CLDN14: variants seen among roughly 807,000 people sequenced by gnomAD.
CLDN14 encodes claudin-14.
Under a neutral mutation model 2.1 loss-of-function variants are expected in CLDN14, and 2 were observed. The ratio of observed to expected loss-of-function variants is 0.96; its 90% CI spans 0.39 to 3.01. CLDN14 has a LOEUF of 3.01. CLDN14 is among the 30% of genes most tolerant of loss of function. CLDN14 has a pLI of 0.09. For synonymous variants in CLDN14, 136 were observed against 154.4 expected (o/e 0.88, Z 0.88); for missense variants, 298 against 328.0 (o/e 0.91, Z 0.71).
intron 1 of CLDN14, among the ~76,000 whole-genome samples, chr21:36,517,276 C>A (rs138933101): frequency 1.3e-5 from 2 of 152,252 alleles, no homozygotes; most frequent in Non-Finnish European, 2.9e-5. Context: ...TGTGTACTCT[C>A]TCTAGCTGTT....
In CLDN14 at chr21:36,468,766, TC is replaced by T. The variant is rs200418281; in HGVS notation, c.-81-6991del. On this transcript the variant is annotated intron_variant, in intron 1 of 1. Coordinates refer to ENST00000399135, the MANE Select transcript of CLDN14 (RefSeq NM_001146079.2). ...TTTTCTTTTTCTTTCTTTCTTTCTT[TC>T]TTTTTTTTTTGAGACAGAATCTCGC... Among the ~76,000 whole-genome samples, 603 of 142,880 alleles carry T rather than the reference TC, an allele frequency of 4.2e-3. 5 individuals are homozygous for T. The highest frequency in any genetic ancestry group is 0.013 in the African/African-American group (515 of 39,674). 93.7% of individuals were successfully genotyped at this position (142,880 alleles called of 152,430 possible).
intron 1 of CLDN14, among the ~76,000 whole-genome samples, chr21:36,520,709 G>A (rs2087263166): frequency 6.6e-6 from 1 of 152,094 alleles, no homozygotes; most frequent in Non-Finnish European, 1.5e-5. Flanking sequence ...CACACACAAG[G>A]GAGTTATGAC....
intron 1 of CLDN14, among the ~76,000 whole-genome samples, chr21:36,520,581 G>C (rs1207702584): frequency 1.3e-5 from 2 of 152,196 alleles, no homozygotes; most frequent in African/African-American, 2.4e-5. Flanking sequence ...ATGATTGTGA[G>C]GCCTCCCAGC....
At position 36,555,239 on chromosome 21, in the gene CLDN14, C is replaced by T. The variant is rs541935053; in HGVS notation, c.-220+21172G>A. Among the ~76,000 whole-genome samples the T allele has an allele frequency of 1.0e-3, 154 of 152,232 alleles. 1 individual carries two copies. Among genetic ancestry groups the T allele is most frequent in the African/African-American group, 3.4e-3 (140 of 41,528 alleles). ...GGAGTGCATGAGGAGGGGTTTCAAG[C>T]GAATTGCCAAGATATAGCAGGCTAA... On this transcript the variant is annotated intron_variant, in intron 1 of 2. Coordinates refer to the CLDN14 transcript ENST00000342108.
At chr21:36,493,102 G>A (rs966850604) in intron 2 of CLDN14, among the ~76,000 whole-genome samples, 2 of 152,214 alleles carry the variant, frequency 1.3e-5, no homozygotes, top group African/African-American at 2.4e-5. Context: ...TTGAGCACGT[G>A]TTTTGTTTAC....
At chr21:36,527,566 C>T (rs1323379703) in intron 1 of CLDN14, among the ~76,000 whole-genome samples, 1 of 152,170 alleles carries the variant, frequency 6.6e-6, no homozygotes, top group Non-Finnish European at 1.5e-5. Context: ...TCCCATTTCC[C>T]GTCGATTACT....
At chr21:36,546,660 T>A (rs558674542) in intron 1 of CLDN14, among the ~76,000 whole-genome samples, 3 of 152,230 alleles carry the variant, frequency 2.0e-5, no homozygotes, top group African/African-American at 4.8e-5. Flanking sequence ...TTACAAAAAA[T>A]TTCAAACATA....
chr21:36,471,454 G>A (rs977709906), intron 1 of CLDN14, among the ~76,000 whole-genome samples: 3 of 152,158 alleles, frequency 2.0e-5, no homozygotes, highest in Admixed American at 1.3e-4. Flanking sequence ...AGTTTGGGGG[G>A]GCTCATGTCT....
chr21:36,570,962 C>T (rs995662719), intron 1 of CLDN14, among the ~76,000 whole-genome samples: 1 of 152,194 alleles, frequency 6.6e-6, no homozygotes, highest in Non-Finnish European at 1.5e-5. Flanking sequence ...CTGCCTCAGC[C>T]TCCTGAGTAG....
chr21:36,507,850 C>T (rs557544852), intron 2 of CLDN14, among the ~76,000 whole-genome samples: 50 of 152,296 alleles, frequency 3.3e-4, no homozygotes, highest in African/African-American at 1.2e-3. Context: ...TTAACATTTA[C>T]AAACGGGACA....
In CLDN14 at chr21:36,544,808, G is replaced by A. The variant is rs1310174025; in HGVS notation, c.-220+31603C>T. On this transcript the variant is annotated intron_variant, in intron 1 of 2. Coordinates refer to the CLDN14 transcript ENST00000342108. This position sits in a 1 kb window ranked among gnomAD's most constrained non-coding sequence, Gnocchi z 4.1. ...AGGACATCCGCGAAGTAAGACATGT[G>A]CACAGAGCAACCATGTGAAAACAAT... Among the ~76,000 whole-genome samples the A allele has an allele frequency of 6.6e-6, 1 of 152,202 alleles. No individual in the cohort carries two copies. Among genetic ancestry groups the A allele is most frequent in the East Asian group, 1.9e-4 (1 of 5,196 alleles).
intron 1 of CLDN14, among the ~76,000 whole-genome samples, chr21:36,534,217 T>C (rs1404767052): frequency 6.6e-6 from 1 of 152,150 alleles, no homozygotes; most frequent in Non-Finnish European, 1.5e-5. Context: ...TTCTCCTGCC[T>C]CAGCCTCCCG....
chr21:36,519,650 C>T (rs1001040745), intron 1 of CLDN14, among the ~76,000 whole-genome samples: 3 of 152,152 alleles, frequency 2.0e-5, no homozygotes, highest in Non-Finnish European at 1.5e-5. Flanking sequence ...GTGGAGGTTG[C>T]AGTGAGCTGA....
intron 1 of CLDN14, among the ~76,000 whole-genome samples, chr21:36,573,855 T>C (rs1221364635): frequency 6.6e-6 from 1 of 152,114 alleles, no homozygotes; most frequent in Non-Finnish European, 1.5e-5. Context: ...ATAAATCTAA[T>C]AAAATATGTA....
chr21:36,545,856 A>G (rs955684868), intron 1 of CLDN14, among the ~76,000 whole-genome samples: 4 of 152,152 alleles, frequency 2.6e-5, no homozygotes, highest in Non-Finnish European at 4.4e-5. Context: ...CTCCTGGAGC[A>G]TCCCCAGGAG....
chr21:36,501,159 G>A (rs1360636156), intron 2 of CLDN14, among the ~76,000 whole-genome samples: 1 of 152,086 alleles, frequency 6.6e-6, no homozygotes, highest in African/African-American at 2.4e-5. Flanking sequence ...AGAAAAGGAT[G>A]ATGGCTTATC....
At chr21:36,555,094 G>C (rs1182913167) in intron 1 of CLDN14, among the ~76,000 whole-genome samples, 18 of 152,232 alleles carry the variant, frequency 1.2e-4, no homozygotes, top group Admixed American at 1.2e-3. Flanking sequence ...GCAGGGATTT[G>C]TCAAATGAAC....
At chr21:36,548,194 C>T (rs1473237124) in intron 1 of CLDN14, among the ~76,000 whole-genome samples, 1 of 152,000 alleles carries the variant, frequency 6.6e-6, no homozygotes, top group Non-Finnish European at 1.5e-5. Flanking sequence ...CTCCACTCCC[C>T]TAGTAAGTCA....
chr21:36,517,162 TA>T (rs1407133341), intron 1 of CLDN14, among the ~76,000 whole-genome samples: 4 of 152,098 alleles, frequency 2.6e-5, no homozygotes, highest in African/African-American at 7.2e-5. Flanking sequence ...TTTAAATGGT[TA>T]AAAAAAATTA....
Sources: gnomAD v4.1 joint callset for allele counts (sites outside exome capture counted in the v4.1 genomes callset) on GRCh38, gnomAD v4.1.1 for gene constraint, Gnocchi (gnomAD v3.1) non-coding constraint, MANE v1.5 for transcripts, NCBI Gene and HGNC (gene_info 2026-07-23, HGNC 2026-07-21) for gene names.